The following AVEN variants were observed in gnomAD, a reference collection of about 807,000 sequenced individuals.
AVEN encodes the protein apoptosis and caspase activation inhibitor.
Under a neutral mutation model 38.1 loss-of-function variants are expected in AVEN, and 41 were observed. The observed-to-expected ratio is 1.08, with a 90% CI of 0.84 to 1.40. The LOEUF is 1.40. Among genes scored for constraint, AVEN ranks in the 40% most tolerant of loss-of-function variants. AVEN has a pLI of 0.00. For synonymous variants in AVEN, 206 were observed against 171.8 expected (o/e 1.20, Z -1.56); for missense variants, 605 against 438.8 (o/e 1.38, Z -3.38).
intron 2 of AVEN, among the ~76,000 whole-genome samples, chr15:33,984,951 C>G (rs111811723): frequency 2.6e-5 from 4 of 152,160 alleles, no homozygotes; most frequent in African/African-American, 9.6e-5. Flanking sequence ...ATGAACCAAC[C>G]AATATTTTCA....
intron 2 of AVEN, among the ~76,000 whole-genome samples, chr15:33,989,915 C>A (rs1171329978): frequency 6.7e-6 from 1 of 150,240 alleles, no homozygotes; most frequent in African/African-American, 2.5e-5. Context: ...GAACGTGGTA[C>A]CCAGATGAGG....
chr15:33,959,767 G>A (rs1895094943), intron 2 of AVEN, among the ~76,000 whole-genome samples: 1 of 152,034 alleles, frequency 6.6e-6, no homozygotes, highest in South Asian at 2.1e-4. Flanking sequence ...CTGGAGAAAC[G>A]TTTAGTGGAG....
downstream of AVEN, among the ~76,000 whole-genome samples, chr15:33,861,671 T>A (rs1888278861): frequency 6.6e-6 from 1 of 152,192 alleles, no homozygotes; most frequent in African/African-American, 2.4e-5. Context: ...ATCATAATAT[T>A]GGGTCTTGTC....
chr15:33,932,838 C>CAAACAAACAAAT (rs1555508058), intron 2 of AVEN, among the ~76,000 whole-genome samples: 3 of 146,998 alleles, frequency 2.0e-5, no homozygotes, highest in African/African-American at 7.5e-5. Flanking sequence ...AATAAACAAA[C>CAAACAAACAAAT]AAATAAATAA....
chr15:33,868,985 A>C (rs1890822453), intron 4 of AVEN, among the ~76,000 whole-genome samples: 1 of 152,234 alleles, frequency 6.6e-6, no homozygotes, highest in Admixed American at 6.5e-5. Context: ...TCCAGGGATG[A>C]GCAAGGCCTC....
At chr15:33,988,387 GTTGAAC>G (rs1310812182) in intron 2 of AVEN, among the ~76,000 whole-genome samples, 1 of 152,142 alleles carries the variant, frequency 6.6e-6, no homozygotes, top group East Asian at 1.9e-4. Context: ...TGTACAAATT[GTTGAAC>G]TTTATTTCTA....
upstream of AVEN, among the ~76,000 whole-genome samples, chr15:34,041,441 T>C (rs1899474472): frequency 1.3e-5 from 2 of 152,194 alleles, no homozygotes; most frequent in South Asian, 4.1e-4. Context: ...TCCAATGTAG[T>C]GAGAGACGAG....
chr15:34,062,739 A>G, intron 5 of AVEN: 1 of 1,612,182 alleles, frequency 6.2e-7, no homozygotes. Context: ...TTCTTACCAC[A>G]ATGCAACCAC....
intron 2 of AVEN, among the ~76,000 whole-genome samples, chr15:33,956,819 A>G (rs1242020296): frequency 6.6e-6 from 1 of 151,866 alleles, no homozygotes; most frequent in Non-Finnish European, 1.5e-5. Flanking sequence ...ACTCTTTGGC[A>G]CATGTTGACA....
chr15:33,916,071 GATGGT>G (rs1893125369), intron 2 of AVEN, among the ~76,000 whole-genome samples: 2 of 152,038 alleles, frequency 1.3e-5, no homozygotes, highest in Non-Finnish European at 2.9e-5. Context: ...GCTCCCATCT[GATGGT>G]TTTTCTCTAC....
In AVEN at chr15:33,961,587, G is replaced by A. The variant is rs983015411; in HGVS notation, c.445+41445C>T. Among the ~76,000 whole-genome samples, 8 of 151,908 alleles carry A rather than the reference G, an allele frequency of 5.3e-5. No individual in the cohort carries two copies. The South Asian group carries it at 6.2e-4, about 12-fold the overall frequency. On this transcript the variant is annotated intron_variant, in intron 2 of 5. Coordinates refer to ENST00000306730, the MANE Select transcript of AVEN (RefSeq NM_020371.3). ...CCAGCACTTTGGGAGGCCAAGGTGGGCGAATCACGAGGTCAGGAGATCGAG... is the reference window on the plus strand; with the variant it reads ...CCAGCACTTTGGGAGGCCAAGGTGGACGAATCACGAGGTCAGGAGATCGAG...
chr15:34,074,359 G>T (rs1900693311), intron 1 of AVEN, among the ~76,000 whole-genome samples: 2 of 152,210 alleles, frequency 1.3e-5, no homozygotes, highest in Middle Eastern at 6.8e-3. Context: ...TTAAATTTTA[G>T]AATAACTGTG....
chr15:33,901,988 G>GT lies in AVEN; in HGVS notation c.446-25994dup, dbSNP rs1282567260. On this transcript the variant is annotated intron_variant, in intron 2 of 5. Transcript: ENST00000306730. The stretch of plus-strand genomic sequence containing the variant: ...GGTTGCCTTTCCATTTTGTTGACTG[G>GT]TTTTTTGTTTTGTTTGTTTTGCTGT... 7.4e-4 allele frequency among the ~76,000 whole-genome samples: 113 copies of GT among 152,102 alleles called. 1 individual carries two copies. The East Asian group carries it at 0.02, about 26-fold the overall frequency.
At chr15:33,936,773 T>C (rs1263115617) in intron 2 of AVEN, among the ~76,000 whole-genome samples, 1 of 152,176 alleles carries the variant, frequency 6.6e-6, no homozygotes, top group East Asian at 1.9e-4. Flanking sequence ...AGATTTATTG[T>C]ATAACTTTAA....
chr15:34,032,576 AAGGGGCTATGATCTT>A (rs1421253653), intron 1 of AVEN, among the ~76,000 whole-genome samples: 2 of 152,198 alleles, frequency 1.3e-5, no homozygotes, highest in Non-Finnish European at 2.9e-5. Flanking sequence ...CTAAGAAACA[AAGGGGCTATGATCTT>A]AGCTGTCCTC....
chr15:34,044,779 G>A (rs1035733446), intron 5 of AVEN, among the ~76,000 whole-genome samples: 12 of 152,142 alleles, frequency 7.9e-5, no homozygotes, highest in Non-Finnish European at 1.5e-4. Context: ...GGCTGGGCGC[G>A]GTGGCTCATG....
At chr15:33,864,832 A>AATC (rs1889900654), downstream of AVEN, 2 of 306,978 alleles carry the variant, frequency 6.5e-6, no homozygotes, top group African/African-American at 2.1e-5. Context: ...AGCGGCATGG[A>AATC]ATCAGCTTAT....
exon 4 of AVEN, chr15:34,066,001 T>C (rs1006842507): frequency 1.3e-5 from 2 of 152,258 alleles, no homozygotes; most frequent in Non-Finnish European, 2.9e-5. Flanking sequence ...AGCCTACCAC[T>C]GAAGAGCATC....
chr15:33,884,752 A>C (rs1222518246), intron 2 of AVEN, among the ~76,000 whole-genome samples: 1 of 152,200 alleles, frequency 6.6e-6, no homozygotes, highest in African/African-American at 2.4e-5. Context: ...TACAAGGAAC[A>C]ATCTTTACTC....
Sources: allele counts gnomAD v4.1 joint callset (sites outside exome capture counted in the v4.1 genomes callset), GRCh38; gene constraint gnomAD v4.1.1; transcripts MANE v1.5; gene names NCBI Gene and HGNC (gene_info 2026-07-23, HGNC 2026-07-21).